Variants in KCTD1 observed in about 807,000 individuals in gnomAD.
KCTD1 encodes the protein potassium channel tetramerization domain containing 1, also known as BTB/POZ domain-containing protein KCTD1.
KCTD1 carries 24 observed loss-of-function variants against 66.0 expected under a neutral mutation model. The observed-to-expected ratio is 0.36, with a 90% CI of 0.26 to 0.51. The LOEUF is 0.51. KCTD1 is among the 20% of genes least tolerant of loss of function. The pLI is 0.95. For missense variants in KCTD1, 943 were observed against 1,205.2 expected (o/e 0.78, Z 3.22); for synonymous variants, 511 against 517.2 (o/e 0.99, Z 0.16).
chr18:26,593,408 G>GGAGGAAGAT lies in KCTD1; in HGVS notation c.-16+35738_-16+35739insATCTTCCTC, dbSNP rs1403489130. On this transcript the variant is annotated intron_variant, in intron 1 of 4. Coordinates refer to the KCTD1 transcript ENST00000317932. ...AGGAAGAAGAGGAGGAGGAAGATGAGGAGGAGAAGGAAGAAGATGAGGAGG... is the reference window on the plus strand; with the variant it reads ...AGGAAGAAGAGGAGGAGGAAGATGAGGAGGAAGATGAGGAGAAGGAAGAAGATGAGGAGG... 7.5e-3 allele frequency among the ~76,000 whole-genome samples: 625 copies of GGAGGAAGAT among 83,632 alleles called. 2 individuals carry two copies. Among genetic ancestry groups the GGAGGAAGAT allele is most frequent in the African/African-American group, 0.012 (246 of 20,882 alleles). The allele number at this position is 83,632 out of a possible 152,430, so 54.9% of individuals were successfully genotyped here. A position where few individuals can be genotyped will look rare whatever the true frequency, so the allele number is the denominator to read the frequency against.
At chr18:26,481,846 C>T (rs1174596519) in intron 2 of KCTD1, among the ~76,000 whole-genome samples, 2 of 152,114 alleles carry the variant, frequency 1.3e-5, no homozygotes, top group Admixed American at 6.6e-5. Context: ...GAATGAAGCC[C>T]AGGCATCTGT....
At chr18:26,596,209 T>G (rs1465555309) in intron 1 of KCTD1, among the ~76,000 whole-genome samples, 1 of 152,144 alleles carries the variant, frequency 6.6e-6, no homozygotes, top group Non-Finnish European at 1.5e-5. Flanking sequence ...GGTAAGGCCA[T>G]GAGGGTGAGA....
intron 1 of KCTD1, among the ~76,000 whole-genome samples, chr18:26,603,666 C>T (rs1016080985): frequency 2.6e-5 from 4 of 151,828 alleles, no homozygotes; most frequent in African/African-American, 9.7e-5. Flanking sequence ...TCACCTGAAC[C>T]TGGGAGGCAG....
intron 1 of KCTD1, among the ~76,000 whole-genome samples, chr18:26,531,195 A>G (rs1284002669): frequency 2.0e-5 from 3 of 152,210 alleles, no homozygotes; most frequent in African/African-American, 7.2e-5. Context: ...AATGAATGAA[A>G]TAAAATAAAA....
chr18:26,507,935 G>A (rs754154845), intron 1 of KCTD1, among the ~76,000 whole-genome samples: 8 of 151,994 alleles, frequency 5.3e-5, no homozygotes, highest in African/African-American at 1.2e-4. Context: ...GTATACATAC[G>A]CACATGGAAG....
At chr18:26,591,669 A>T (rs1462655599) in intron 1 of KCTD1, 2 of 152,268 alleles carry the variant, frequency 1.3e-5, no homozygotes, top group Non-Finnish European at 2.9e-5. Context: ...TACTGTACAT[A>T]CACAGAGTAA....
intron 1 of KCTD1, among the ~76,000 whole-genome samples, chr18:26,603,844 T>C (rs560746627): frequency 6.6e-6 from 1 of 151,942 alleles, no homozygotes; most frequent in Admixed American, 6.5e-5. Context: ...AGCCCATACA[T>C]TGGAAAAGGT....
At chr18:26,595,780 C>T (rs182532852) in intron 1 of KCTD1, among the ~76,000 whole-genome samples, 29 of 152,180 alleles carry the variant, frequency 1.9e-4, no homozygotes, top group African/African-American at 6.3e-4. Context: ...TGGCTCACAC[C>T]GGTAATCCCA....
At chr18:26,539,111 G>A (rs1984852480) in intron 1 of KCTD1, among the ~76,000 whole-genome samples, 2 of 152,130 alleles carry the variant, frequency 1.3e-5, no homozygotes, top group African/African-American at 2.4e-5. Flanking sequence ...TTGAACAGTT[G>A]ATATGAATTT....
At chr18:26,470,457 T>C (rs1980995229) in intron 3 of KCTD1, among the ~76,000 whole-genome samples, 1 of 152,190 alleles carries the variant, frequency 6.6e-6, no homozygotes, top group South Asian at 2.1e-4. Context: ...TGATGCCTGG[T>C]GCCGTGATGC....
chr18:26,560,880 G>GA (rs1405865717), intron 1 of KCTD1, among the ~76,000 whole-genome samples: 1 of 152,192 alleles, frequency 6.6e-6, no homozygotes, highest in Non-Finnish European at 1.5e-5. Flanking sequence ...AGGACAGTGG[G>GA]AAAATGCACA....
chr18:26,525,631 C>T (rs1723366606), intron 1 of KCTD1, among the ~76,000 whole-genome samples: 1 of 152,234 alleles, frequency 6.6e-6, no homozygotes, highest in South Asian at 2.1e-4. Context: ...CAGCCCTACT[C>T]CCCTGATAAC....
At chr18:26,517,485 G>A (rs182140710) in intron 1 of KCTD1, among the ~76,000 whole-genome samples, 2 of 151,960 alleles carry the variant, frequency 1.3e-5, no homozygotes, top group Non-Finnish European at 2.9e-5. Context: ...GAGAAACCCC[G>A]TCTCTACTAA....
At chr18:26,509,988 C>T (rs574686396) in intron 1 of KCTD1, among the ~76,000 whole-genome samples, 1 of 152,292 alleles carries the variant, frequency 6.6e-6, no homozygotes, top group Admixed American at 6.5e-5. Context: ...TCTAACAGAG[C>T]GTCTGGCATT....
chr18:26,594,713 A>T (rs1004506800), intron 1 of KCTD1, among the ~76,000 whole-genome samples: 1 of 152,156 alleles, frequency 6.6e-6, no homozygotes, highest in Non-Finnish European at 1.5e-5. Context: ...TGCTGAGAAG[A>T]TATTTTGGAA....
At chr18:26,615,797 G>C (rs959461183) in intron 1 of KCTD1, among the ~76,000 whole-genome samples, 1 of 152,142 alleles carries the variant, frequency 6.6e-6, no homozygotes, top group African/African-American at 2.4e-5. Context: ...GATCACTAGT[G>C]CTTTTTTTTT....
chr18:26,640,503 T>G (rs1246755442), upstream of KCTD1, among the ~76,000 whole-genome samples: 1 of 151,886 alleles, frequency 6.6e-6, no homozygotes, highest in South Asian at 2.1e-4. Context: ...GATGGGGGCA[T>G]GGAAGTAGGA....
chr18:26,466,044 T>C lies in KCTD1; in HGVS notation c.2134-6119A>G, dbSNP rs535897340. Among the ~76,000 whole-genome samples, 130 of 141,352 alleles carry C rather than the reference T, an allele frequency of 9.2e-4. 1 individual carries two copies. Among genetic ancestry groups the C allele is most frequent in the African/African-American group, 3.3e-3 (121 of 36,758 alleles). The allele number at this position is 141,352 out of a possible 152,430, so 92.7% of individuals were successfully genotyped here. ...AGTGGGGGCCTATCCAGGTCGCCAC[T>C]CTGCCTTCTCCGAGAAAGACCTACC... is the stretch of plus-strand genomic sequence containing the variant. On this transcript the variant is annotated intron_variant, in intron 3 of 4. Coordinates refer to ENST00000580059, the MANE Select transcript of KCTD1 (RefSeq NM_001142730.3).
At position 26,470,250 on chromosome 18, in the gene KCTD1, C is replaced by A. The variant is rs140006714; in HGVS notation, c.2133+6265G>T. Among the ~76,000 whole-genome samples, 546 of 150,506 alleles carry A rather than the reference C, an allele frequency of 3.6e-3. 3 individuals are homozygous for A. The highest frequency in any genetic ancestry group is 6.8e-3 in the Middle Eastern group (2 of 294). On this transcript the variant is annotated intron_variant, in intron 3 of 4. Coordinates refer to ENST00000580059, the MANE Select transcript of KCTD1 (RefSeq NM_001142730.3). ...TTCAACCTCTTTCCCTTGCCTATTT[C>A]TCTTACTACAGAGGCTAAAAATAAG...
Sources: allele counts gnomAD v4.1 joint callset (sites outside exome capture counted in the v4.1 genomes callset), GRCh38; gene constraint gnomAD v4.1.1; transcripts MANE v1.5; gene names NCBI Gene and HGNC (gene_info 2026-07-23, HGNC 2026-07-21).